The following CFDP1 variants were observed in gnomAD, a reference collection of about 807,000 sequenced individuals.
CFDP1 encodes chromatin remodeling protein CFDP1.
A neutral mutation model predicts 40.1 loss-of-function variants in CFDP1; 31 were observed. That is an observed-to-expected ratio of 0.77 (90% CI 0.58 to 1.04). CFDP1 has a LOEUF of 1.04. Ranked by LOEUF, CFDP1 falls within the 50% of genes least tolerant of loss-of-function variation. The pLI is 0.00. For missense variants in CFDP1, 423 were observed against 343.4 expected, an observed-to-expected ratio of 1.23 and a Z score of -1.83; for synonymous variants, 167 against 120.0, an observed-to-expected ratio of 1.39 and a Z score of -2.56.
chr16:75,423,663 C>G (rs1369054878), intron 1 of CFDP1, among the ~76,000 whole-genome samples: 1 of 151,920 alleles, frequency 6.6e-6, no homozygotes, highest in Non-Finnish European at 1.5e-5. Context: ...TACAGGCACC[C>G]GCCACCTCGC....
chr16:75,334,750 T>G (rs1170501200), intron 5 of CFDP1, among the ~76,000 whole-genome samples: 1 of 151,326 alleles, frequency 6.6e-6, no homozygotes, highest in African/African-American at 2.4e-5. Context: ...AGGTGAGGAG[T>G]TCAGGACCAA....
intron 5 of CFDP1, among the ~76,000 whole-genome samples, chr16:75,390,412 T>C (rs955861393): frequency 3.3e-5 from 5 of 152,202 alleles, no homozygotes; most frequent in African/African-American, 4.8e-5. Context: ...CCCCTACCCT[T>C]GATATCTGAT....
At chr16:75,314,254 A>C (rs2078311746) in intron 5 of CFDP1, among the ~76,000 whole-genome samples, 1 of 152,210 alleles carries the variant, frequency 6.6e-6, no homozygotes, top group African/African-American at 2.4e-5. Flanking sequence ...CAATGGCAGT[A>C]AGATAAGTTA....
chr16:75,365,258 CAT>C (rs2078705680), intron 5 of CFDP1, among the ~76,000 whole-genome samples: 2 of 152,246 alleles, frequency 1.3e-5, no homozygotes, highest in Admixed American at 6.5e-5. Context: ...AATGGAATAA[CAT>C]AGTAATAAAG....
At chr16:75,429,319 G>A (rs532562252) in intron 1 of CFDP1, among the ~76,000 whole-genome samples, 1 of 152,002 alleles carries the variant, frequency 6.6e-6, no homozygotes, top group Non-Finnish European at 1.5e-5. Context: ...AATCAATTAC[G>A]CCTGAGGGGC....
At chr16:75,393,783 G>A (rs1398383148) in intron 5 of CFDP1, among the ~76,000 whole-genome samples, 1 of 141,406 alleles carries the variant, frequency 7.1e-6, no homozygotes, top group East Asian at 2.1e-4. Flanking sequence ...AGTGGGGCCG[G>A]GCCCGGTGGC....
chr16:75,429,134 A>C (rs759500302), intron 1 of CFDP1, among the ~76,000 whole-genome samples: 6 of 152,128 alleles, frequency 3.9e-5, no homozygotes, highest in Non-Finnish European at 7.3e-5. Context: ...AAGAAAAAAG[A>C]AAATGGGAAC....
intron 5 of CFDP1, chr16:75,324,606 G>A (rs2078390325): frequency 1.3e-5 from 2 of 152,098 alleles, no homozygotes; most frequent in African/African-American, 2.4e-5. Context: ...GCCGGGAGTG[G>A]TGGCAGGCTC....
intron 5 of CFDP1, among the ~76,000 whole-genome samples, chr16:75,364,384 T>G (rs1252251319): frequency 1.3e-5 from 2 of 152,210 alleles, no homozygotes; most frequent in Admixed American, 6.5e-5. Context: ...ATATTAAACC[T>G]GCAGTTCTCA....
chr16:75,349,940 G>C (rs1325154741), intron 5 of CFDP1, among the ~76,000 whole-genome samples: 1 of 151,690 alleles, frequency 6.6e-6, no homozygotes, highest in Non-Finnish European at 1.5e-5. Context: ...GGCATGAGTA[G>C]ACATACTTGT....
At chr16:75,300,726 G>A (rs1178983989) in intron 6 of CFDP1, among the ~76,000 whole-genome samples, 1 of 152,160 alleles carries the variant, frequency 6.6e-6, no homozygotes, top group Non-Finnish European at 1.5e-5. Flanking sequence ...ACAACCAGAA[G>A]GTGATGTCAA....
intron 5 of CFDP1, among the ~76,000 whole-genome samples, chr16:75,317,770 C>T (rs780460747): frequency 9.9e-5 from 15 of 152,076 alleles, no homozygotes; most frequent in African/African-American, 7.2e-5. Context: ...CAGTCACAGC[C>T]GCAGAGGCCA....
At chr16:75,318,393 A>G (rs2078338608) in intron 5 of CFDP1, among the ~76,000 whole-genome samples, 2 of 147,402 alleles carry the variant, frequency 1.4e-5, no homozygotes, top group Admixed American at 1.4e-4. Flanking sequence ...GGGAGTTGGC[A>G]TGCTTTCTTT....
chr16:75,294,108 C>A, intron 6 of CFDP1, 66 bp from the exon 7 acceptor site: 2 of 1,204,648 alleles, frequency 1.7e-6, no homozygotes, highest in South Asian at 1.2e-5. Flanking sequence ...TGCACAGTCC[C>A]ATCCCCCAGG....
intron 5 of CFDP1, among the ~76,000 whole-genome samples, chr16:75,394,525 A>G (rs2078979873): frequency 6.6e-6 from 1 of 152,174 alleles, no homozygotes; most frequent in Non-Finnish European, 1.5e-5. Flanking sequence ...GTTCTGCAGA[A>G]GGCTGATATT....
chr16:75,322,116 G>A (rs1216527719), intron 5 of CFDP1, among the ~76,000 whole-genome samples: 2 of 152,192 alleles, frequency 1.3e-5, no homozygotes, highest in African/African-American at 2.4e-5. Flanking sequence ...GAGCCACCGC[G>A]CCCAGCCTAT....
At chr16:75,329,710 A>C (rs2078431209) in intron 5 of CFDP1, among the ~76,000 whole-genome samples, 1 of 152,228 alleles carries the variant, frequency 6.6e-6, no homozygotes, top group African/African-American at 2.4e-5. Flanking sequence ...CTACATGTGC[A>C]ATCCTTTTTA....
At chr16:75,362,356 G>T (rs1293123811) in intron 5 of CFDP1, among the ~76,000 whole-genome samples, 2 of 152,196 alleles carry the variant, frequency 1.3e-5, no homozygotes, top group African/African-American at 4.8e-5. Context: ...GGCAAGGGGG[G>T]TCAAGTTTAA....
At chr16:75,387,574 A>G (rs1284028468) in intron 5 of CFDP1, among the ~76,000 whole-genome samples, 1 of 152,206 alleles carries the variant, frequency 6.6e-6, no homozygotes, top group East Asian at 1.9e-4. Context: ...ATTAAAAGCT[A>G]TCTCTAGCTA....
Sources: allele counts gnomAD v4.1 joint callset (sites outside exome capture counted in the v4.1 genomes callset), GRCh38; gene constraint gnomAD v4.1.1; transcripts MANE v1.5; gene names NCBI Gene and HGNC (gene_info 2026-07-23, HGNC 2026-07-21).